The following DYRK1A variants were observed in gnomAD, a reference collection of about 807,000 sequenced individuals.
DYRK1A encodes the protein dual specificity tyrosine phosphorylation regulated kinase 1A.
In DYRK1A, 9 loss-of-function variants were observed where a neutral mutation model predicts 79.7. The ratio of observed to expected loss-of-function variants is 0.11; its 90% CI spans 0.07 to 0.20. The LOEUF (loss-of-function observed/expected upper bound fraction) is 0.20, where lower values mean the gene tolerates loss of function less well. DYRK1A is among the 10% of genes least tolerant of loss of function. DYRK1A has a pLI of 1.00. For missense variants in DYRK1A, 622 were observed against 956.0 expected (o/e 0.65, Z 4.61); for synonymous variants, 349 against 329.7 (o/e 1.06, Z -0.63).
intron 1 of DYRK1A, among the ~76,000 whole-genome samples, chr21:37,375,794 C>T (rs1014751897): frequency 9.2e-5 from 14 of 151,926 alleles, no homozygotes; most frequent in African/African-American, 3.4e-4. Flanking sequence ...TAGGTGTGAG[C>T]CACCACACCC....
At chr21:37,478,534 T>C (rs2052485020) in intron 4 of DYRK1A, among the ~76,000 whole-genome samples, 1 of 152,198 alleles carries the variant, frequency 6.6e-6, no homozygotes, top group Non-Finnish European at 1.5e-5. Context: ...TTGTATTTAA[T>C]ATACTGTTAT....
intron 2 of DYRK1A, among the ~76,000 whole-genome samples, chr21:37,445,713 C>T (rs953059977): frequency 6.6e-6 from 1 of 152,144 alleles, no homozygotes; most frequent in Non-Finnish European, 1.5e-5. Flanking sequence ...ATTTTTTCCC[C>T]ATTGGAGTAC....
At chr21:37,371,448 G>A (rs1198028001) in intron 1 of DYRK1A, among the ~76,000 whole-genome samples, 1 of 152,154 alleles carries the variant, frequency 6.6e-6, no homozygotes, top group East Asian at 1.9e-4. Context: ...GTACTAAAAC[G>A]AGTGAGAATT....
Position 37,506,120 on chromosome 21 carries a change from A to G in DYRK1A, c.1541A>G (p.Asn514Ser), listed in dbSNP as rs765046647. The change falls in exon 11 of 12, where the codon AAC (asparagine) becomes AGC (serine). Residue 514 changes from asparagine (N) to serine (S), a missense_variant. Coordinates refer to ENST00000647188, the MANE Select transcript of DYRK1A (RefSeq NM_001347721.2). ...TCAGGTGGCTCATCGGGGACAAGCA[A>G]CAGTGGGAGAGCCCGGTCGGATCCG... ...SSSGGSSGTS[N>S]SGRARSDPTH... The G allele has an allele frequency of 6.2e-7, 1 of 1,612,586 alleles. No homozygotes were observed. The highest frequency in any genetic ancestry group is 8.5e-7 in the Non-Finnish European group (1 of 1,178,730).
chr21:37,388,788 G>GT (rs1257344598), intron 1 of DYRK1A, among the ~76,000 whole-genome samples: 1 of 151,474 alleles, frequency 6.6e-6, no homozygotes, highest in Non-Finnish European at 1.5e-5. Context: ...GAGACTACAG[G>GT]TGCCCACCAT....
At chr21:37,483,099 A>C (rs539494506) in intron 5 of DYRK1A, among the ~76,000 whole-genome samples, 1 of 152,344 alleles carries the variant, frequency 6.6e-6, no homozygotes, top group South Asian at 2.1e-4. Context: ...GGATTAAGAG[A>C]TTAAAGACAG....
intron 1 of DYRK1A, among the ~76,000 whole-genome samples, chr21:37,370,270 T>G (rs559605598): frequency 1.3e-5 from 2 of 152,294 alleles, no homozygotes; most frequent in East Asian, 3.9e-4. Flanking sequence ...GGATTGAATC[T>G]TTGTTTTCAC....
At chr21:37,453,874 G>A (rs1029192092) in intron 2 of DYRK1A, among the ~76,000 whole-genome samples, 1 of 151,870 alleles carries the variant, frequency 6.6e-6, no homozygotes, top group African/African-American at 2.4e-5. Context: ...CTTTACTTTG[G>A]TATCACTCAG....
At chr21:37,441,821 A>G (rs955826309) in intron 2 of DYRK1A, among the ~76,000 whole-genome samples, 1 of 152,070 alleles carries the variant, frequency 6.6e-6, no homozygotes, top group Non-Finnish European at 1.5e-5. Context: ...TCTGGTCTTC[A>G]TTCCTTTGTA....
chr21:37,507,444 G>A (rs2053630006), intron 11 of DYRK1A, among the ~76,000 whole-genome samples: 1 of 152,008 alleles, frequency 6.6e-6, no homozygotes, highest in Admixed American at 6.6e-5. Flanking sequence ...GCTACCTGTG[G>A]TCTTTGTCTC....
chr21:37,453,671 C>T (rs1237294457), intron 2 of DYRK1A, among the ~76,000 whole-genome samples: 1 of 152,010 alleles, frequency 6.6e-6, no homozygotes, highest in African/African-American at 2.4e-5. Context: ...GACTTAACTC[C>T]AGTTTGTTTG....
At chr21:37,431,774 T>C (rs867742710) in intron 2 of DYRK1A, among the ~76,000 whole-genome samples, 4 of 152,368 alleles carry the variant, frequency 2.6e-5, no homozygotes, top group South Asian at 2.1e-4. Flanking sequence ...AAAAATACTT[T>C]ATGTAGTTTG....
At chr21:37,416,611 C>A (rs117897332) in intron 1 of DYRK1A, among the ~76,000 whole-genome samples, 1 of 151,874 alleles carries the variant, frequency 6.6e-6, no homozygotes, top group Non-Finnish European at 1.5e-5. Context: ...TTCTTTAATT[C>A]GTTAGTGTAA....
chr21:37,398,866 C>T (rs2050005665), intron 1 of DYRK1A, among the ~76,000 whole-genome samples: 1 of 151,416 alleles, frequency 6.6e-6, no homozygotes, highest in Non-Finnish European at 1.5e-5. Flanking sequence ...GTGAGGTGAT[C>T]CTTTTGTAAA....
rs898538896 is a variant in DYRK1A, at chr21:37,526,141, A to G, written c.*13610A>G. The G allele has an allele frequency of 2.0e-5, 3 of 152,222 alleles. No homozygotes were observed. Among genetic ancestry groups the G allele is most frequent in the South Asian group, 2.1e-4 (1 of 4,830 alleles). The allele number at this position is 152,222 out of a possible 1,614,324, so 9.4% of individuals were successfully genotyped here. ...CTCCATTCCCACACACATTTGCCAC[A>G]GATACATTATCTGAGCCCAAACTAC... On this transcript the variant is annotated 3_prime_UTR_variant, in exon 12 of 12. Coordinates refer to ENST00000647188, the MANE Select transcript of DYRK1A (RefSeq NM_001347721.2).
intron 1 of DYRK1A, among the ~76,000 whole-genome samples, chr21:37,394,816 T>C (rs1648529167): frequency 6.6e-6 from 1 of 152,196 alleles, no homozygotes; most frequent in Non-Finnish European, 1.5e-5. Context: ...CAGCTCCACG[T>C]TGCACCTAAA....
chr21:37,454,274 G>A (rs1227607782), intron 2 of DYRK1A, among the ~76,000 whole-genome samples: 1 of 151,700 alleles, frequency 6.6e-6, no homozygotes, highest in East Asian at 1.9e-4. Context: ...TAACGTTTTT[G>A]TAGAGATGGG....
At chr21:37,490,044 G>T in intron 6 of DYRK1A, 131 bp from the exon 7 acceptor site, 1 of 902,460 alleles carries the variant, frequency 1.1e-6, no homozygotes. Flanking sequence ...ATTACAAAAT[G>T]CTGATCTCCA....
intron 9 of DYRK1A, among the ~76,000 whole-genome samples, chr21:37,498,721 G>A: frequency 6.6e-6 from 1 of 152,098 alleles, no homozygotes; most frequent in East Asian, 1.9e-4. Context: ...AGGTCATGGG[G>A]TATGTGTTTA....
Sources: allele counts gnomAD v4.1 joint callset (sites outside exome capture counted in the v4.1 genomes callset), GRCh38; gene constraint gnomAD v4.1.1; transcripts MANE v1.5; gene names NCBI Gene and HGNC (gene_info 2026-07-23, HGNC 2026-07-21).